Variants in FGD4 observed in about 807,000 individuals in gnomAD.
FGD4 encodes the protein FYVE, RhoGEF and PH domain containing 4, also known as FYVE, RhoGEF and PH domain-containing protein 4.
In FGD4, 42 loss-of-function variants were observed where a neutral mutation model predicts 102.0. The ratio of observed to expected loss-of-function variants is 0.41; its 90% CI spans 0.32 to 0.53. FGD4 has a LOEUF of 0.53. FGD4 is among the 20% of genes least tolerant of loss of function. The pLI, the probability that FGD4 is intolerant of heterozygous loss-of-function variation, is 0.21. For synonymous variants in FGD4, 380 were observed against 375.7 expected, an observed-to-expected ratio of 1.01 and a Z score of -0.13; for missense variants, 902 against 1,078.2, an observed-to-expected ratio of 0.84 and a Z score of 2.29.
intron 1 of FGD4, among the ~76,000 whole-genome samples, chr12:32,416,837 C>T (rs1471069426): frequency 6.6e-6 from 1 of 152,054 alleles, no homozygotes. Context: ...GTGCCATTAC[C>T]AGTGAGTTTT....
chr12:32,440,399 A>G (rs1942390842), intron 1 of FGD4, among the ~76,000 whole-genome samples: 1 of 152,214 alleles, frequency 6.6e-6, no homozygotes, highest in Non-Finnish European at 1.5e-5. Flanking sequence ...GCAGACTCAT[A>G]GAGGTATAAT....
intron 4 of FGD4, among the ~76,000 whole-genome samples, chr12:32,597,777 C>T (rs1948029364): frequency 6.6e-6 from 1 of 152,038 alleles, no homozygotes; most frequent in South Asian, 2.1e-4. Flanking sequence ...TGAGGGGGAG[C>T]GTAAATGAAA....
intron 5 of FGD4, chr12:32,600,426 G>C (rs1241215517): frequency 1.2e-5 from 15 of 1,287,638 alleles, no homozygotes; most frequent in Middle Eastern, 2.2e-4. Context: ...GAGTGGAGGT[G>C]AATTTAGAAA....
chr12:32,600,584 C>CTTTTTTTTTTTTTTT lies in FGD4; in HGVS notation c.1102-691_1102-690insTTTTTTTTTTTTTTT, dbSNP rs776556112. On this transcript the variant is annotated intron_variant, in intron 5 of 16. Coordinates refer to ENST00000534526, the MANE Select transcript of FGD4 (RefSeq NM_001370298.3). ...GTTTTTTGTTTTTCTTTCTTTCTTT[C>CTTTTTTTTTTTTTTT]TTTCTTTCTTTTTTTTTTTTTTGTC... 1.4e-3 allele frequency: 376 copies of CTTTTTTTTTTTTTTT among 269,354 alleles called. 9 individuals carry two copies. The highest frequency in any genetic ancestry group is 2.5e-3 in the African/African-American group (62 of 25,104). The allele number at this position is 269,354 out of a possible 1,614,324, so 16.7% of individuals were successfully genotyped here.
At chr12:32,582,901 A>T (rs1292609353) in intron 4 of FGD4, 1 of 167,686 alleles carries the variant, frequency 6.0e-6, no homozygotes, top group African/African-American at 2.4e-5. Context: ...CCACTAGTAA[A>T]TGTTACTTTT....
chr12:32,628,008 A>G (rs1950280306), intron 14 of FGD4, among the ~76,000 whole-genome samples: 1 of 152,230 alleles, frequency 6.6e-6, no homozygotes, highest in African/African-American at 2.4e-5. Context: ...CTGGCATGCC[A>G]GATATGGTTC....
At chr12:32,414,323 T>C (rs1941320728) in intron 1 of FGD4, among the ~76,000 whole-genome samples, 1 of 152,024 alleles carries the variant, frequency 6.6e-6, no homozygotes, top group Non-Finnish European at 1.5e-5. Context: ...GGTATAGAGT[T>C]GGTGTATATA....
chr12:32,611,718 G>A (rs138701830), intron 10 of FGD4, among the ~76,000 whole-genome samples: 18 of 151,626 alleles, frequency 1.2e-4, no homozygotes, highest in Non-Finnish European at 2.2e-4. Flanking sequence ...ATTCCATTTA[G>A]GGATTCAATT....
Position 32,474,960 on chromosome 12 carries a change from G to T in FGD4, c.166+75001G>T, listed in dbSNP as rs553848341. ...TGAAAAGGTCTAAAATTGATGGCGG[G>T]TATATGTATCTGTGAATATAGTAAA... On this transcript the variant is annotated intron_variant, in intron 1 of 16. Coordinates refer to ENST00000534526, the MANE Select transcript of FGD4 (RefSeq NM_001370298.3). 1.9e-4 allele frequency among the ~76,000 whole-genome samples: 29 copies of T among 152,206 alleles called. 1 individual carries two copies. In the South Asian group the frequency reaches 3.7e-3, roughly 20 times the overall value.
chr12:32,598,704 G>A (rs572039466), intron 5 of FGD4, 118 bp downstream of exon 5: 1 of 802,102 alleles, frequency 1.2e-6, no homozygotes. Context: ...CTAGTGAAAG[G>A]TACTTGCTCA....
At chr12:32,474,811 A>G (rs1285629190) in intron 1 of FGD4, among the ~76,000 whole-genome samples, 1 of 152,092 alleles carries the variant, frequency 6.6e-6, no homozygotes, top group Non-Finnish European at 1.5e-5. Context: ...GGCTGAGGCA[A>G]GAGGATCGCT....
At chr12:32,591,898 C>T (rs1947506031) in intron 4 of FGD4, among the ~76,000 whole-genome samples, 2 of 152,270 alleles carry the variant, frequency 1.3e-5, no homozygotes, top group Middle Eastern at 3.4e-3. Flanking sequence ...CTAGGAAGTG[C>T]ATTACACAGA....
intron 3 of FGD4, among the ~76,000 whole-genome samples, chr12:32,580,350 G>A (rs1410360678): frequency 6.6e-6 from 1 of 152,088 alleles, no homozygotes; most frequent in Non-Finnish European, 1.5e-5. Flanking sequence ...GTTTCTGGCT[G>A]TTATTATTGT....
intron 1 of FGD4, among the ~76,000 whole-genome samples, chr12:32,424,331 G>A (rs542822126): frequency 3.9e-5 from 6 of 151,980 alleles, no homozygotes; most frequent in Middle Eastern, 3.4e-3. Flanking sequence ...TTGGTTTTCC[G>A]TTCCTGTGTT....
chr12:32,563,732 A>T (rs1944913447), intron 1 of FGD4, among the ~76,000 whole-genome samples: 1 of 151,956 alleles, frequency 6.6e-6, no homozygotes, highest in Non-Finnish European at 1.5e-5. Flanking sequence ...AGTGAACCAG[A>T]CTCCATCTGC....
At chr12:32,627,864 T>C (rs1050179666) in intron 14 of FGD4, among the ~76,000 whole-genome samples, 12 of 152,248 alleles carry the variant, frequency 7.9e-5, no homozygotes, top group African/African-American at 2.9e-4. Flanking sequence ...AACAGGCTGA[T>C]GGTTAATGAG....
Position 32,610,790 on chromosome 12 carries a change from A to G in FGD4, c.1558A>G (p.Ile520Val). The G allele has an allele frequency of 6.2e-7, 1 of 1,613,478 alleles. No individual in the cohort carries two copies. Among genetic ancestry groups the G allele is most frequent in the Non-Finnish European group, 8.5e-7 (1 of 1,179,816 alleles). Residue 520 changes from isoleucine to valine, a missense_variant, in exon 9 of 17, where the codon ATA becomes GTA. Ile to Val is a conservative substitution (Grantham distance 29). This residue lies in a region of FGD4 where 459 missense variants were observed against 619.0 expected (regional missense o/e 0.74). Coordinates refer to ENST00000534526, the MANE Select transcript of FGD4 (RefSeq NM_001370298.3). ...TTCCCATTTAGAATCACTTGAAATT[A>G]TATCTACAGCAGCAAGCCATTCTAA... ...WNDAKKSLEI[I>V]STAASHSNSA...
At chr12:32,469,859 A>T (rs1245981405) in intron 1 of FGD4, among the ~76,000 whole-genome samples, 1 of 151,638 alleles carries the variant, frequency 6.6e-6, no homozygotes, top group Non-Finnish European at 1.5e-5. Context: ...GGGTTTCTCC[A>T]TGTTGGTCAG....
chr12:32,482,388 T>C (rs1394300667), intron 1 of FGD4, among the ~76,000 whole-genome samples: 1 of 152,222 alleles, frequency 6.6e-6, no homozygotes, highest in Non-Finnish European at 1.5e-5. Context: ...TTACCAATGG[T>C]AGCTTACCAT....
Sources: allele counts gnomAD v4.1 joint callset (sites outside exome capture counted in the v4.1 genomes callset), GRCh38; gene constraint gnomAD v4.1.1; regional missense constraint gnomAD v4.1.1; transcripts MANE v1.5; gene names NCBI Gene and HGNC (gene_info 2026-07-23, HGNC 2026-07-21).